SNTG1: variants seen among roughly 807,000 people sequenced by gnomAD.
The protein encoded by SNTG1 is gamma-1-syntrophin.
Under a neutral mutation model 74.7 loss-of-function variants are expected in SNTG1, and 39 were observed. The observed-to-expected ratio is 0.52, with a 90% CI of 0.40 to 0.68. The LOEUF is 0.68. Among genes scored for constraint, SNTG1 ranks in the 30% least tolerant of loss-of-function variants. The probability of loss-of-function intolerance (pLI) is 0.00; values close to 1 mark genes in which losing one functional copy is unlikely to be tolerated. For missense variants in SNTG1, 685 were observed against 609.5 expected (o/e 1.12, Z -1.30); for synonymous variants, 254 against 217.1 (o/e 1.17, Z -1.49).
At chr8:50,429,171 G>A (rs2093202304) in intron 4 of SNTG1, among the ~76,000 whole-genome samples, 1 of 151,984 alleles carries the variant, frequency 6.6e-6, no homozygotes, top group Non-Finnish European at 1.5e-5. Flanking sequence ...AGATGAAAGA[G>A]ATTTCAAATA....
At chr8:50,362,580 C>T (rs1477077530) in intron 2 of SNTG1, among the ~76,000 whole-genome samples, 1 of 151,610 alleles carries the variant, frequency 6.6e-6, no homozygotes, top group Non-Finnish European at 1.5e-5. Context: ...GATGAGCAAA[C>T]TAAATCCCTT....
At chr8:49,928,145 T>TAAAA (rs1554522307) in intron 1 of SNTG1, among the ~76,000 whole-genome samples, 1 of 138,084 alleles carries the variant, frequency 7.2e-6, no homozygotes, top group Non-Finnish European at 1.5e-5. Flanking sequence ...TCTCAAAAAA[T>TAAAA]AATAAATAAA....
intron 2 of SNTG1, among the ~76,000 whole-genome samples, chr8:50,358,557 C>T (rs2091879425): frequency 1.3e-5 from 2 of 152,102 alleles, no homozygotes; most frequent in South Asian, 4.1e-4. Context: ...ATGGTTTAGA[C>T]CTTGAACAAT....
At chr8:50,774,116 T>C (rs900820254) in intron 18 of SNTG1, among the ~76,000 whole-genome samples, 1 of 151,580 alleles carries the variant, frequency 6.6e-6, no homozygotes, top group African/African-American at 2.4e-5. Context: ...AATAGCAGAG[T>C]CTCAGAAGTC....
chr8:50,765,824 A>G (rs1421679123), intron 18 of SNTG1, among the ~76,000 whole-genome samples: 2 of 151,946 alleles, frequency 1.3e-5, no homozygotes, highest in Non-Finnish European at 2.9e-5. Flanking sequence ...ATGTAGAGAC[A>G]TTGTTATGTA....
At chr8:50,568,596 C>G (rs950489670) in intron 12 of SNTG1, among the ~76,000 whole-genome samples, 2 of 151,708 alleles carry the variant, frequency 1.3e-5, no homozygotes, top group African/African-American at 4.8e-5. Flanking sequence ...GTAATGGTGA[C>G]AATTTCTTCA....
intron 2 of SNTG1, among the ~76,000 whole-genome samples, chr8:50,338,383 C>T (rs891899231): frequency 2.0e-5 from 3 of 151,990 alleles, no homozygotes; most frequent in African/African-American, 7.2e-5. Context: ...AATAAAAACC[C>T]AGAAGGCACG....
chr8:50,278,853 G>A (rs1224143182), intron 2 of SNTG1, among the ~76,000 whole-genome samples: 4 of 151,692 alleles, frequency 2.6e-5, no homozygotes, highest in African/African-American at 7.3e-5. Flanking sequence ...AAAAATTCAT[G>A]TCTAAGAGAG....
chr8:50,588,931 A>ATAT (rs990705040), intron 12 of SNTG1, among the ~76,000 whole-genome samples: 2 of 151,992 alleles, frequency 1.3e-5, no homozygotes, highest in African/African-American at 4.8e-5. Flanking sequence ...TAGTTTTTAC[A>ATAT]TATTATTATT....
intron 13 of SNTG1, among the ~76,000 whole-genome samples, chr8:50,612,883 A>T (rs2094860571): frequency 6.6e-6 from 1 of 152,092 alleles, no homozygotes; most frequent in Non-Finnish European, 1.5e-5. Context: ...CTTGCAGCAG[A>T]TGTGATTCAG....
At chr8:50,257,935 G>A (rs1324120079) in intron 2 of SNTG1, among the ~76,000 whole-genome samples, 1 of 152,214 alleles carries the variant, frequency 6.6e-6, no homozygotes, top group Non-Finnish European at 1.5e-5. Context: ...TAGAGGCAGA[G>A]CAGCCAGAAA....
chr8:50,253,400 G>C (rs1479577995), intron 2 of SNTG1, among the ~76,000 whole-genome samples: 1 of 149,814 alleles, frequency 6.7e-6, no homozygotes, highest in African/African-American at 2.5e-5. Flanking sequence ...TTCAGCCTGT[G>C]CAACAAGAGT....
At chr8:50,289,614 G>A (rs2088978377) in intron 2 of SNTG1, among the ~76,000 whole-genome samples, 1 of 152,150 alleles carries the variant, frequency 6.6e-6, no homozygotes, top group Admixed American at 6.6e-5. Context: ...AAATGTAGAA[G>A]CTAGAATGTA....
At chr8:50,658,332 T>C (rs1000929093) in intron 14 of SNTG1, among the ~76,000 whole-genome samples, 2 of 152,138 alleles carry the variant, frequency 1.3e-5, no homozygotes, top group African/African-American at 2.4e-5. Flanking sequence ...TTATTTAAGA[T>C]ATATAAGGAC....
rs1002555019 is a variant in SNTG1, at chr8:50,377,556, A to T, written c.-27-16656A>T. 6.6e-4 allele frequency among the ~76,000 whole-genome samples: 101 copies of T among 152,274 alleles called. 1 individual carries two copies. The highest frequency in any genetic ancestry group is 3.4e-3 in the Middle Eastern group (1 of 294). ...TTCAGAATTTTTTCTCCTCTAAGTG[A>T]AGAATCAATGGTTGAAAAGACTTTT... is the stretch of plus-strand genomic sequence containing the variant. On this transcript the variant is annotated intron_variant, in intron 2 of 18. Transcript: ENST00000642720.
chr8:50,584,590 T>C (rs2094635203), intron 12 of SNTG1, among the ~76,000 whole-genome samples: 1 of 148,712 alleles, frequency 6.7e-6, no homozygotes, highest in Non-Finnish European at 1.5e-5. Context: ...TCGATGACAC[T>C]GAGAGAGTCC....
intron 13 of SNTG1, among the ~76,000 whole-genome samples, chr8:50,644,919 C>CTTT (rs36012475): frequency 2.2e-5 from 3 of 135,694 alleles, no homozygotes; most frequent in African/African-American, 8.1e-5. Flanking sequence ...TGCCCAGGTG[C>CTTT]TTTTTTTTTT....
At chr8:50,560,798 A>G (rs981049173) in intron 12 of SNTG1, among the ~76,000 whole-genome samples, 1 of 152,150 alleles carries the variant, frequency 6.6e-6, no homozygotes, top group African/African-American at 2.4e-5. Flanking sequence ...TTATCTGGGC[A>G]GCAAACCACC....
intron 18 of SNTG1, among the ~76,000 whole-genome samples, chr8:50,754,424 C>G (rs1365207765): frequency 6.6e-6 from 1 of 151,870 alleles, no homozygotes; most frequent in Non-Finnish European, 1.5e-5. Context: ...TCCCTCAAGT[C>G]TGATAATGAT....
Sources: allele counts gnomAD v4.1 joint callset (sites outside exome capture counted in the v4.1 genomes callset), GRCh38; gene constraint gnomAD v4.1.1; transcripts MANE v1.5; gene names NCBI Gene and HGNC (gene_info 2026-07-23, HGNC 2026-07-21).